The following CSMD3 variants were observed in gnomAD, a reference collection of about 807,000 sequenced individuals.
CSMD3 encodes the protein CUB and sushi domain-containing protein 3.
Under a neutral mutation model 435.2 loss-of-function variants are expected in CSMD3, and 177 were observed. That is an observed-to-expected ratio of 0.41 (90% confidence interval 0.36 to 0.46). The LOEUF (loss-of-function observed/expected upper bound fraction) is 0.46, where lower values mean the gene tolerates loss of function less well. Among genes scored for constraint, CSMD3 ranks in the 20% least tolerant of loss-of-function variants. The pLI is 0.34. For missense variants in CSMD3, 4,265 were observed against 4,504.6 expected (o/e 0.95, Z 1.52); for synonymous variants, 1,656 against 1,520.5 (o/e 1.09, Z -2.07).
chr8:112,535,605 T>C (rs1825996103), intron 27 of CSMD3, among the ~76,000 whole-genome samples: 1 of 151,918 alleles, frequency 6.6e-6, no homozygotes. Flanking sequence ...CCCAAGGTAA[T>C]TTATAGATTC....
At chr8:112,735,580 C>T (rs1563909281) in intron 13 of CSMD3, among the ~76,000 whole-genome samples, 1 of 152,004 alleles carries the variant, frequency 6.6e-6, no homozygotes, top group Non-Finnish European at 1.5e-5. Flanking sequence ...TTCTTCCTCA[C>T]AAGACACTTA....
At chr8:113,294,120 A>G (rs754959650) in intron 2 of CSMD3, among the ~76,000 whole-genome samples, 34 of 152,170 alleles carry the variant, frequency 2.2e-4, no homozygotes, top group East Asian at 1.5e-3. Flanking sequence ...TAAGAATTAC[A>G]TTGCCAAATA....
chr8:112,568,675 T>C (rs1167259316), intron 24 of CSMD3, among the ~76,000 whole-genome samples: 1 of 152,152 alleles, frequency 6.6e-6, no homozygotes, highest in Non-Finnish European at 1.5e-5. Flanking sequence ...ATTTATTTGT[T>C]GGTGGAAGAA....
intron 3 of CSMD3, among the ~76,000 whole-genome samples, chr8:113,201,575 T>C (rs996030888): frequency 1.3e-5 from 2 of 152,042 alleles, no homozygotes; most frequent in African/African-American, 4.8e-5. Flanking sequence ...ATTCTTCACT[T>C]AATCTAAAAA....
At chr8:112,726,311 A>T (rs928722419) in intron 13 of CSMD3, among the ~76,000 whole-genome samples, 1 of 151,934 alleles carries the variant, frequency 6.6e-6, no homozygotes, top group Admixed American at 6.6e-5. Context: ...CTTTCTGCTG[A>T]AAAATAACTA....
intron 13 of CSMD3, among the ~76,000 whole-genome samples, chr8:112,762,641 G>C (rs942115900): frequency 6.6e-6 from 1 of 151,822 alleles, no homozygotes; most frequent in Non-Finnish European, 1.5e-5. Context: ...ACCACTTAAA[G>C]TTATCAAGTT....
intron 40 of CSMD3, among the ~76,000 whole-genome samples, chr8:112,349,847 T>G (rs1825986120): frequency 1.3e-5 from 2 of 152,194 alleles, no homozygotes; most frequent in South Asian, 4.1e-4. Flanking sequence ...TTGTGTGCAT[T>G]TTACGCAGAT....
intron 3 of CSMD3, among the ~76,000 whole-genome samples, chr8:113,187,337 T>C (rs141443917): frequency 1.6e-3 from 236 of 151,934 alleles, no homozygotes; most frequent in African/African-American, 5.6e-3. Flanking sequence ...AAAGTTTACA[T>C]AGAGTCACTG....
At position 112,506,728 on chromosome 8, in the gene CSMD3, C is replaced by T. The variant is rs761595520; in HGVS notation, c.4858G>A (p.Val1620Ile). 1.4e-5 allele frequency: 23 copies of T among 1,613,420 alleles called. No homozygotes were observed. Among genetic ancestry groups the T allele is most frequent in the Non-Finnish European group, 1.7e-5 (20 of 1,179,592 alleles). Residue 1620 changes from valine to isoleucine, a missense_variant, in exon 29 of 71, where the codon GTC (valine) becomes ATC (isoleucine). Val to Ile is a conservative substitution (Grantham distance 29, BLOSUM62 3). Around this residue, in one of 3 missense-constraint regions of CSMD3, gnomAD observed 3,255 missense variants for 3,380.2 expected, o/e 0.96. Coordinates refer to ENST00000297405, the MANE Select transcript of CSMD3 (RefSeq NM_198123.2). ...AAGGAGATAACATAGTCTGCATTGA[C>T]GGTGATAGTCCAGTCACAGTCTCTG... ...HSRDCDWTIT[V>I]NADYVISLAF...
chr8:113,147,992 T>C (rs188366051), intron 4 of CSMD3, among the ~76,000 whole-genome samples: 1 of 151,728 alleles, frequency 6.6e-6, no homozygotes, highest in Non-Finnish European at 1.5e-5. Flanking sequence ...GAATCTTTAA[T>C]AATGCAGTTA....
At chr8:112,744,010 A>G (rs1373416896) in intron 13 of CSMD3, among the ~76,000 whole-genome samples, 1 of 152,082 alleles carries the variant, frequency 6.6e-6, no homozygotes, top group Non-Finnish European at 1.5e-5. Flanking sequence ...CTGTTAGGCA[A>G]TGTTATTATA....
At chr8:112,782,646 A>C (rs2078420796) in intron 13 of CSMD3, among the ~76,000 whole-genome samples, 1 of 152,114 alleles carries the variant, frequency 6.6e-6, no homozygotes, top group Non-Finnish European at 1.5e-5. Flanking sequence ...AAGGCATCTA[A>C]TAATCAAACT....
At chr8:113,420,759 C>T (rs1187175557) in intron 1 of CSMD3, among the ~76,000 whole-genome samples, 6 of 151,784 alleles carry the variant, frequency 4.0e-5, no homozygotes, top group African/African-American at 1.5e-4. Flanking sequence ...ACCACCCTGG[C>T]CAACATGGTG....
intron 6 of CSMD3, among the ~76,000 whole-genome samples, chr8:113,005,230 C>A (rs1297854275): frequency 1.3e-5 from 2 of 151,982 alleles, no homozygotes; most frequent in African/African-American, 4.8e-5. Flanking sequence ...GTTTTAACTA[C>A]CACATTACAC....
At chr8:113,074,853 A>C (rs1469217282) in intron 5 of CSMD3, among the ~76,000 whole-genome samples, 1 of 151,872 alleles carries the variant, frequency 6.6e-6, no homozygotes, top group East Asian at 1.9e-4. Context: ...GGCTTCATAC[A>C]TAAAAACAGA....
rs779900094 is a variant in CSMD3, at chr8:112,503,874, T to C, written c.4999A>G (p.Ile1667Val). ...SFQDSKLPER[I>V]ESSSNTMHLA... is the part of the protein sequence containing the mutation. The stretch of plus-strand genomic sequence containing the variant: ...TGCATTGTATTTGAGCTGCTTTCTA[T>C]TCTCTCTGGTAACTTGCTGTCTTGA... The change falls in exon 30 of 71, where the codon ATA (isoleucine) becomes GTA (valine). Residue 1667 changes from isoleucine (I) to valine (V), a missense_variant. Physicochemically the swap from Ile to Val is conservative, Grantham distance 29. Transcript: ENST00000297405. 3.7e-6 allele frequency: 6 copies of C among 1,613,292 alleles called. No individual in the cohort carries two copies. Among genetic ancestry groups the C allele is most frequent in the Non-Finnish European group, 5.1e-6 (6 of 1,179,424 alleles).
At chr8:112,667,461 C>T (rs1282554614) in intron 16 of CSMD3, among the ~76,000 whole-genome samples, 1 of 152,270 alleles carries the variant, frequency 6.6e-6, no homozygotes, top group Admixed American at 6.5e-5. Context: ...TCATCTCATC[C>T]TTGAAGTATA....
intron 30 of CSMD3, among the ~76,000 whole-genome samples, chr8:112,496,027 T>C (rs1428513510): frequency 6.6e-6 from 1 of 152,086 alleles, no homozygotes; most frequent in Non-Finnish European, 1.5e-5. Context: ...TGGAGTGTAG[T>C]GGTGCGATCT....
chr8:113,199,851 G>C (rs992678042), intron 3 of CSMD3, among the ~76,000 whole-genome samples: 8 of 151,612 alleles, frequency 5.3e-5, no homozygotes, highest in Non-Finnish European at 4.4e-5. Flanking sequence ...TTAGGAAAAA[G>C]GACAGAAGTA....
Sources: allele counts gnomAD v4.1 joint callset (sites outside exome capture counted in the v4.1 genomes callset), GRCh38; gene constraint gnomAD v4.1.1; regional missense constraint gnomAD v4.1.1; transcripts MANE v1.5; gene names NCBI Gene and HGNC (gene_info 2026-07-23, HGNC 2026-07-21).